ATP9B: variants seen among roughly 807,000 people sequenced by gnomAD.
ATP9B encodes the protein probable phospholipid-transporting ATPase IIB.
A neutral mutation model predicts 146.1 loss-of-function variants in ATP9B; 110 were observed. That is an observed-to-expected ratio of 0.75 (90% CI 0.65 to 0.88). The LOEUF (loss-of-function observed/expected upper bound fraction) is 0.88, where lower values mean the gene tolerates loss of function less well. Among genes scored for constraint, ATP9B ranks in the 40% least tolerant of loss-of-function variants. The pLI is 0.00. For synonymous variants in ATP9B, 604 were observed against 569.7 expected, an observed-to-expected ratio of 1.06 and a Z score of -0.86; for missense variants, 1,499 against 1,496.4, an observed-to-expected ratio of 1.00 and a Z score of -0.03.
At chr18:79,164,300 G>T (rs1568310645) in intron 7 of ATP9B, among the ~76,000 whole-genome samples, 2 of 152,154 alleles carry the variant, frequency 1.3e-5, no homozygotes, top group African/African-American at 4.8e-5. Context: ...AATAACTGGA[G>T]AATCTTTTCA....
chr18:79,353,983 C>T (rs896808955), intron 25 of ATP9B: 7 of 152,002 alleles, frequency 4.6e-5, no homozygotes, highest in Non-Finnish European at 8.8e-5. Flanking sequence ...TATTTAGTGC[C>T]CAGCAGTAAC....
At chr18:79,191,076 G>T (rs4542720) in intron 8 of ATP9B, among the ~76,000 whole-genome samples, 3 of 151,978 alleles carry the variant, frequency 2.0e-5, no homozygotes, top group Non-Finnish European at 2.9e-5. Flanking sequence ...TATTCTTAAA[G>T]AATATTTTTG....
rs759606345 is a variant in ATP9B at position 79,377,748 on chromosome 18, T to G, written c.*365T>G. The G allele has an allele frequency of 2.6e-4, 59 of 226,286 alleles. No individual in the cohort carries two copies. Among genetic ancestry groups the G allele is most frequent in the Non-Finnish European group, 4.3e-4 (49 of 113,824 alleles). The allele number at this position is 226,286 out of a possible 1,614,324, so 14.0% of individuals were successfully genotyped here. ...CACAGAGGCCGGGACGGCCTCTCCC[T>G]CTCAGTGTGAGGCTTCACCCATGCT... On this transcript the variant is annotated 3_prime_UTR_variant, in exon 30 of 30. Coordinates refer to ENST00000426216, the MANE Select transcript of ATP9B (RefSeq NM_198531.5).
intron 15 of ATP9B, among the ~76,000 whole-genome samples, chr18:79,317,387 G>A (rs2096686837): frequency 6.6e-6 from 1 of 152,142 alleles, no homozygotes; most frequent in Non-Finnish European, 1.5e-5. Context: ...GGAAATGTTT[G>A]CAGAATACTT....
At chr18:79,306,809 A>G (rs2096622532) in intron 14 of ATP9B, among the ~76,000 whole-genome samples, 177 bp from the exon 15 acceptor site, 1 of 152,222 alleles carries the variant, frequency 6.6e-6, no homozygotes, top group Admixed American at 6.5e-5. Flanking sequence ...GCTTCATAGT[A>G]CTAGGCTTAA....
chr18:79,196,539 C>T (rs772716633), intron 9 of ATP9B, among the ~76,000 whole-genome samples: 2 of 152,144 alleles, frequency 1.3e-5, no homozygotes, highest in South Asian at 2.1e-4. Context: ...TGAAAGCTGA[C>T]GAGCTCAATA....
intron 11 of ATP9B, among the ~76,000 whole-genome samples, chr18:79,221,436 A>C (rs1048727157): frequency 6.6e-6 from 1 of 152,220 alleles, no homozygotes; most frequent in Non-Finnish European, 1.5e-5. Flanking sequence ...TTTCAAAACT[A>C]TCAGGCTGGG....
chr18:79,114,967 C>G (rs2147040748), intron 4 of ATP9B: 1 of 178,688 alleles, frequency 5.6e-6, no homozygotes, highest in Non-Finnish European at 1.2e-5. Context: ...CTTCTCCTGC[C>G]TGATTGCAAA....
chr18:79,089,108 G>A (rs922856141), intron 1 of ATP9B, among the ~76,000 whole-genome samples: 128 of 152,186 alleles, frequency 8.4e-4, no homozygotes, highest in South Asian at 1.5e-3. Context: ...CGATGCAGGG[G>A]GAAAGGTTGG....
chr18:79,348,096 C>G lies in ATP9B; in HGVS notation c.2839-36C>G, dbSNP rs757822123. The G allele has an allele frequency of 4.3e-6, 7 of 1,612,298 alleles. 1 individual carries two copies. The South Asian group carries it at 7.7e-5, about 18-fold the overall frequency. On this transcript the variant is annotated intron_variant, in intron 24 of 29. Transcript: ENST00000426216. Reference sequence around the variant, plus strand: ...CTTGGGGCCACAGGTGCTCGTGGAACTGACAGTTGTCTTCGTCTGTGGGCT... The same window carrying G: ...CTTGGGGCCACAGGTGCTCGTGGAAGTGACAGTTGTCTTCGTCTGTGGGCT...
chr18:79,173,852 C>T (rs2095117772), intron 7 of ATP9B: 4 of 432,250 alleles, frequency 9.3e-6, no homozygotes, highest in Non-Finnish European at 1.8e-5. Context: ...TTTCTATACA[C>T]ATTTTAGAAT....
At chr18:79,332,419 A>C (rs899385804) in intron 17 of ATP9B, among the ~76,000 whole-genome samples, 2 of 152,180 alleles carry the variant, frequency 1.3e-5, no homozygotes, top group African/African-American at 4.8e-5. Flanking sequence ...ACAGAGCGAG[A>C]CTCCGTCTCA....
chr18:79,180,676 A>T (rs574057002), intron 8 of ATP9B, among the ~76,000 whole-genome samples: 51 of 152,134 alleles, frequency 3.4e-4, no homozygotes, highest in African/African-American at 1.1e-3. Context: ...CCAGGTTTCC[A>T]TTTACTGCCA....
In ATP9B at chr18:79,303,611, C is replaced by T; in HGVS notation, c.1419C>T (p.Leu473=). 1 of 1,613,792 alleles carries T rather than the reference C, an allele frequency of 6.2e-7. No homozygotes were observed. The highest frequency in any genetic ancestry group is 8.5e-7 in the Non-Finnish European group (1 of 1,179,776). ...TTGTCCCCTTTATCCTAGGAACCCT[C>T]ACCCAGAATGAAATGATATTTAAGC... ...VYLLTDKTGT[L]TQNEMIFKRL... is the part of the protein sequence containing the mutation. Residue 473 remains leucine, a synonymous_variant, in exon 14 of 30, where the codon CTC becomes CTT. Transcript: ENST00000426216.
intron 5 of ATP9B, among the ~76,000 whole-genome samples, chr18:79,137,556 T>A (rs2094462463): frequency 1.3e-5 from 2 of 152,162 alleles, no homozygotes. Flanking sequence ...CCAGTCTGGC[T>A]CGAAGGGCAC....
In ATP9B at chr18:79,335,601, G is replaced by A. The variant is rs975198279; in HGVS notation, c.2029-1027G>A. ...CAGGGCTCCCCCAACTCTGGAAGGC[G>A]AATGCAGGGTGAGGCTTGTGAGCTT... On this transcript the variant is annotated intron_variant, in intron 17 of 29. Transcript: ENST00000426216. 4.6e-5 allele frequency among the ~76,000 whole-genome samples: 7 copies of A among 152,296 alleles called. 1 individual carries two copies. The South Asian group carries it at 1.5e-3, about 32-fold the overall frequency.
intron 11 of ATP9B, among the ~76,000 whole-genome samples, chr18:79,238,657 G>A (rs2095863596): frequency 6.6e-6 from 1 of 152,202 alleles, no homozygotes; most frequent in South Asian, 2.1e-4. Flanking sequence ...GACACAGCCT[G>A]TGGCGCCCCG....
intron 15 of ATP9B, among the ~76,000 whole-genome samples, chr18:79,312,298 T>C (rs2096657215): frequency 6.6e-6 from 1 of 152,238 alleles, no homozygotes; most frequent in Non-Finnish European, 1.5e-5. Flanking sequence ...AATGCAGTTA[T>C]ATTACTGTGT....
chr18:79,350,051 G>A (rs1239102061), intron 25 of ATP9B, among the ~76,000 whole-genome samples: 2 of 152,150 alleles, frequency 1.3e-5, no homozygotes, highest in Non-Finnish European at 1.5e-5. Flanking sequence ...CAGTGCATGC[G>A]AATTTCAGAG....
Sources: allele counts gnomAD v4.1 joint callset (sites outside exome capture counted in the v4.1 genomes callset), GRCh38; gene constraint gnomAD v4.1.1; transcripts MANE v1.5; gene names NCBI Gene and HGNC (gene_info 2026-07-23, HGNC 2026-07-21).